CACNB2: variants seen among roughly 807,000 people sequenced by gnomAD.
The protein encoded by CACNB2 is voltage-dependent L-type calcium channel subunit beta-2.
Under a neutral mutation model 73.3 loss-of-function variants are expected in CACNB2, and 42 were observed. That is an observed-to-expected ratio of 0.57 (90% CI 0.45 to 0.74). CACNB2 has a LOEUF of 0.74. Among genes scored for constraint, CACNB2 ranks in the 30% least tolerant of loss-of-function variants. The pLI is 0.00. For missense variants in CACNB2, 940 were observed against 853.0 expected, an observed-to-expected ratio of 1.10 and a Z score of -1.27; for synonymous variants, 348 against 310.3, an observed-to-expected ratio of 1.12 and a Z score of -1.28.
chr10:18,340,466 C>G (rs2041184383), intron 2 of CACNB2, among the ~76,000 whole-genome samples: 1 of 152,148 alleles, frequency 6.6e-6, no homozygotes, highest in South Asian at 2.1e-4. Flanking sequence ...ACAGTAGTTT[C>G]TTTGAATGCT....
intron 3 of CACNB2, among the ~76,000 whole-genome samples, chr10:18,413,101 G>C (rs1043917577): frequency 6.6e-6 from 1 of 152,202 alleles, no homozygotes; most frequent in Admixed American, 6.5e-5. Flanking sequence ...CTTCCAAGTA[G>C]CTGGGATTAC....
chr10:18,383,029 A>G (rs894761857), intron 2 of CACNB2, among the ~76,000 whole-genome samples: 2 of 152,128 alleles, frequency 1.3e-5, no homozygotes, highest in East Asian at 3.9e-4. Flanking sequence ...TTCACTCATG[A>G]TGGCATTTCC....
chr10:18,413,195 C>G (rs2044735838), intron 3 of CACNB2, among the ~76,000 whole-genome samples: 1 of 152,232 alleles, frequency 6.6e-6, no homozygotes, highest in Admixed American at 6.5e-5. Context: ...TGGTCTCGAA[C>G]TCCTGACCTC....
intron 2 of CACNB2, among the ~76,000 whole-genome samples, chr10:18,355,737 A>G (rs923208520): frequency 1.1e-4 from 17 of 151,098 alleles, no homozygotes; most frequent in Non-Finnish European, 1.8e-4. Context: ...CCTGGGTTCA[A>G]GCAATTCTCT....
At chr10:18,494,775 G>C (rs895006240) in intron 3 of CACNB2, among the ~76,000 whole-genome samples, 6 of 151,660 alleles carry the variant, frequency 4.0e-5, no homozygotes, top group Non-Finnish European at 8.8e-5. Flanking sequence ...AATGGAAATT[G>C]TATTTCTAGT....
At chr10:18,158,517 T>A (rs190377028) in intron 2 of CACNB2, among the ~76,000 whole-genome samples, 1 of 152,200 alleles carries the variant, frequency 6.6e-6, no homozygotes, top group Non-Finnish European at 1.5e-5. Context: ...TGGCTATGGG[T>A]TGAGAACAGA....
At chr10:18,495,931 C>G (rs1224832416) in intron 3 of CACNB2, among the ~76,000 whole-genome samples, 1 of 151,502 alleles carries the variant, frequency 6.6e-6, no homozygotes, top group Non-Finnish European at 1.5e-5. Context: ...CCCATAATTC[C>G]ACACAAGAAG....
At chr10:18,282,226 G>A (rs1051084312) in intron 2 of CACNB2, among the ~76,000 whole-genome samples, 14 of 152,112 alleles carry the variant, frequency 9.2e-5, no homozygotes, top group East Asian at 3.9e-4. Flanking sequence ...TTTACAGGTC[G>A]TAAGACCCTG....
intron 2 of CACNB2, among the ~76,000 whole-genome samples, chr10:18,245,177 A>G (rs965066503): frequency 2.0e-5 from 3 of 151,704 alleles, no homozygotes; most frequent in Admixed American, 2.0e-4. Context: ...CACTGTATTT[A>G]TGGTAATTTG....
Position 18,335,880 on chromosome 10 carries a change from A to T in CACNB2, c.214-66044A>T, listed in dbSNP as rs546508591. On this transcript the variant is annotated intron_variant, in intron 2 of 13. Coordinates refer to ENST00000324631, the MANE Select transcript of CACNB2 (RefSeq NM_201596.3). ...TTTACAGAAGCTTGGAAAGGCATTG[A>T]AATTCCTATATGTTCCATTTAGAAT... is the stretch of plus-strand genomic sequence containing the variant. Among the ~76,000 whole-genome samples, 4 of 152,156 alleles carry T rather than the reference A, an allele frequency of 2.6e-5. No individual in the cohort carries two copies. The South Asian group carries it at 6.2e-4, about 24-fold the overall frequency.
intron 2 of CACNB2, among the ~76,000 whole-genome samples, chr10:18,234,754 T>C (rs895651027): frequency 4.6e-5 from 7 of 151,780 alleles, no homozygotes; most frequent in Non-Finnish European, 1.0e-4. Flanking sequence ...GAGTACGGAG[T>C]TCAGTTTGGG....
rs529599918 is a variant in CACNB2 at position 18,150,041 on chromosome 10, AAACTC to A, written c.121-837_121-833del. On this transcript the variant is annotated intron_variant, in intron 1 of 13. Transcript: ENST00000324631. ...TAACCTGTGTGCTACATTTAACTCT[AAACTC>A]AACTGTTAAGCTATTGTTCATTTAT... Among the ~76,000 whole-genome samples, 12 of 152,320 alleles carry A rather than the reference AAACTC, an allele frequency of 7.9e-5. No individual in the cohort carries two copies. The East Asian group carries it at 2.1e-3, about 27-fold the overall frequency.
chr10:18,367,081 A>C (rs984610454), intron 2 of CACNB2, among the ~76,000 whole-genome samples: 2 of 152,232 alleles, frequency 1.3e-5, no homozygotes, highest in African/African-American at 4.8e-5. Flanking sequence ...GAGCCTTCTG[A>C]AGTGGTAAGA....
chr10:18,507,682 T>A (rs4514309), intron 6 of CACNB2, among the ~76,000 whole-genome samples: 8,729 of 152,210 alleles, frequency 0.057, 451 homozygotes, highest in African/African-American at 0.13. Flanking sequence ...AGAGAATTGT[T>A]ATTGGGAATC....
chr10:18,156,984 G>T (rs550293089), intron 2 of CACNB2, among the ~76,000 whole-genome samples: 1 of 151,796 alleles, frequency 6.6e-6, no homozygotes, highest in African/African-American at 2.4e-5. Context: ...CAGAGACTGC[G>T]GTGAGCCGAG....
At chr10:18,385,071 G>C (rs1290768936) in intron 2 of CACNB2, among the ~76,000 whole-genome samples, 1 of 152,116 alleles carries the variant, frequency 6.6e-6, no homozygotes, top group Non-Finnish European at 1.5e-5. Flanking sequence ...TCTGAGGTCA[G>C]GAGTTCGAGA....
intron 3 of CACNB2, among the ~76,000 whole-genome samples, chr10:18,437,438 A>G (rs1589351974): frequency 1.3e-5 from 2 of 151,820 alleles, no homozygotes; most frequent in Admixed American, 6.5e-5. Flanking sequence ...AGCTTTACCA[A>G]TATCATAAAA....
chr10:18,178,245 T>C (rs1471453088), intron 2 of CACNB2, among the ~76,000 whole-genome samples: 1 of 152,166 alleles, frequency 6.6e-6, no homozygotes, highest in Non-Finnish European at 1.5e-5. Flanking sequence ...AATGAGCCTT[T>C]TCTTTTTCTG....
chr10:18,263,820 A>G (rs2037666378), intron 2 of CACNB2, among the ~76,000 whole-genome samples: 1 of 152,230 alleles, frequency 6.6e-6, no homozygotes, highest in African/African-American at 2.4e-5. Flanking sequence ...GGGCTCACAG[A>G]AGTAGGCTGC....
Sources: allele counts gnomAD v4.1 joint callset (sites outside exome capture counted in the v4.1 genomes callset), GRCh38; gene constraint gnomAD v4.1.1; transcripts MANE v1.5; gene names NCBI Gene and HGNC (gene_info 2026-07-23, HGNC 2026-07-21).